NRG1: variants seen among roughly 807,000 people sequenced by gnomAD.
The protein encoded by NRG1 is pro-neuregulin-1, membrane-bound isoform.
A neutral mutation model predicts 63.8 loss-of-function variants in NRG1; 18 were observed. The observed-to-expected ratio is 0.28, with a 90% CI of 0.19 to 0.42. The LOEUF is 0.42. NRG1 is among the 10% of genes least tolerant of loss of function. The probability of loss-of-function intolerance (pLI) is 1.00; values close to 1 mark genes in which losing one functional copy is unlikely to be tolerated. For missense variants in NRG1, 762 were observed against 814.7 expected (o/e 0.94, Z 0.79); for synonymous variants, 302 against 301.3 (o/e 1.00, Z -0.02).
exon 12 of NRG1, chr8:32,764,325 G>C: frequency 6.2e-7 from 1 of 1,613,986 alleles, no homozygotes; most frequent in Non-Finnish European, 8.5e-7. Flanking sequence ...TAACCCAGCA[G>C]GCCGCTTCTC....
intron 1 of NRG1, among the ~76,000 whole-genome samples, chr8:32,155,945 C>T (rs961716459): frequency 2.2e-4 from 34 of 152,180 alleles, no homozygotes; most frequent in Non-Finnish European, 4.7e-4. Context: ...GCTACCATCA[C>T]CCCTCAACTG....
chr8:31,835,211 G>C (rs758859205), intron 1 of NRG1, among the ~76,000 whole-genome samples: 1 of 152,150 alleles, frequency 6.6e-6, no homozygotes, highest in Non-Finnish European at 1.5e-5. Context: ...AACAGGACTC[G>C]TTGCATAACT....
chr8:31,914,103 C>T (rs1380458974), intron 1 of NRG1, among the ~76,000 whole-genome samples: 3 of 152,098 alleles, frequency 2.0e-5, no homozygotes. Context: ...CTCTATTCCC[C>T]AAAGAGAAGA....
intron 1 of NRG1, among the ~76,000 whole-genome samples, chr8:31,650,296 AG>A (rs2130875913): frequency 1.3e-5 from 2 of 152,282 alleles, no homozygotes; most frequent in South Asian, 4.1e-4. Context: ...TACTTTTCTT[AG>A]GCCTTGTTCC....
chr8:32,687,708 T>TA (rs1252776992), intron 5 of NRG1, among the ~76,000 whole-genome samples: 1 of 152,218 alleles, frequency 6.6e-6, no homozygotes, highest in Non-Finnish European at 1.5e-5. Flanking sequence ...TTGTAAAAGA[T>TA]AGAGTAAATG....
chr8:32,581,315 G>A lies in NRG1; in HGVS notation c.101-14513G>A, dbSNP rs530021063. On this transcript the variant is annotated intron_variant, in intron 1 of 11. Transcript: ENST00000356819. ...AGAAGAATATAGAGCGTTCTAATGT[G>A]TTTGGCTAGGAACAGACCATATCAT... is the stretch of plus-strand genomic sequence containing the variant. 3.9e-5 allele frequency among the ~76,000 whole-genome samples: 6 copies of A among 152,324 alleles called. No homozygotes were observed. In the East Asian group the frequency reaches 1.2e-3, roughly 29 times the overall value.
chr8:32,741,670 C>G (rs1260432932), intron 6 of NRG1, among the ~76,000 whole-genome samples: 1 of 152,138 alleles, frequency 6.6e-6, no homozygotes, highest in African/African-American at 2.4e-5. Context: ...AGTGTTTCAA[C>G]ATAGTGAGAA....
At chr8:31,851,601 T>C (rs1186789068) in intron 1 of NRG1, among the ~76,000 whole-genome samples, 2 of 152,084 alleles carry the variant, frequency 1.3e-5, no homozygotes, top group East Asian at 1.9e-4. Context: ...TTCTTATTTT[T>C]AATTAATTAA....
At chr8:32,029,677 A>T (rs1025707776) in intron 1 of NRG1, among the ~76,000 whole-genome samples, 4 of 152,194 alleles carry the variant, frequency 2.6e-5, no homozygotes, top group Non-Finnish European at 4.4e-5. Context: ...GTTACTTAGG[A>T]CTCATATCGA....
At chr8:32,539,790 G>GA (rs373795997) in intron 1 of NRG1, among the ~76,000 whole-genome samples, 20 of 146,914 alleles carry the variant, frequency 1.4e-4, no homozygotes, top group East Asian at 7.9e-4. Flanking sequence ...GAAAGTTAAG[G>GA]AAAAAAAAAA....
chr8:31,997,183 C>A (rs1410028781), intron 1 of NRG1, among the ~76,000 whole-genome samples: 4 of 83,802 alleles, frequency 4.8e-5, no homozygotes, highest in African/African-American at 9.4e-5. Flanking sequence ...TATAGTGTAA[C>A]CTTTTTTTTT....
chr8:31,865,197 A>G (rs1219203159), intron 1 of NRG1, among the ~76,000 whole-genome samples: 2 of 152,080 alleles, frequency 1.3e-5, no homozygotes, highest in East Asian at 3.9e-4. Flanking sequence ...ATTTTTATAA[A>G]TAGTGTGAGG....
At chr8:32,174,421 G>T (rs948813096) in intron 1 of NRG1, among the ~76,000 whole-genome samples, 2 of 152,056 alleles carry the variant, frequency 1.3e-5, no homozygotes, top group Non-Finnish European at 1.5e-5. Flanking sequence ...ACAATTAAAA[G>T]AACTAGAAAA....
chr8:32,660,637 C>G (rs1198571646), intron 5 of NRG1, among the ~76,000 whole-genome samples: 1 of 152,196 alleles, frequency 6.6e-6, no homozygotes, highest in African/African-American at 2.4e-5. Flanking sequence ...ACCAGATTGT[C>G]TGGCTTTAAG....
chr8:32,081,166 A>G (rs564457683), intron 1 of NRG1, among the ~76,000 whole-genome samples: 2 of 152,164 alleles, frequency 1.3e-5, no homozygotes, highest in Non-Finnish European at 2.9e-5. Context: ...ACCATGGCCC[A>G]GCCAAGTTGA....
At chr8:32,653,787 G>A (rs916656962) in intron 5 of NRG1, among the ~76,000 whole-genome samples, 13 of 151,950 alleles carry the variant, frequency 8.6e-5, no homozygotes, top group Admixed American at 2.6e-4. Context: ...TTCACTGTAC[G>A]GACAAAGACT....
intron 1 of NRG1, among the ~76,000 whole-genome samples, chr8:32,447,967 A>C (rs1563478149): frequency 6.6e-6 from 1 of 152,204 alleles, no homozygotes; most frequent in African/African-American, 2.4e-5. Flanking sequence ...TGTTAATCTT[A>C]GGGGTTGAAA....
chr8:32,212,033 G>A (rs1844753479), intron 1 of NRG1, among the ~76,000 whole-genome samples: 1 of 152,052 alleles, frequency 6.6e-6, no homozygotes, highest in Non-Finnish European at 1.5e-5. Flanking sequence ...GATTTAGTAA[G>A]CATTTTATCC....
intron 1 of NRG1, among the ~76,000 whole-genome samples, chr8:32,380,380 A>G (rs117328960): frequency 1.3e-5 from 2 of 152,116 alleles, no homozygotes; most frequent in East Asian, 3.9e-4. Flanking sequence ...ATCTTTTTCT[A>G]TATGCTCTTT....
Sources: allele counts gnomAD v4.1 joint callset (sites outside exome capture counted in the v4.1 genomes callset), GRCh38; gene constraint gnomAD v4.1.1; transcripts MANE v1.5; gene names NCBI Gene and HGNC (gene_info 2026-07-23, HGNC 2026-07-21).